Variants in RYR2 observed in about 807,000 individuals in gnomAD.
The protein encoded by RYR2 is ryanodine receptor 2.
A neutral mutation model predicts 601.1 loss-of-function variants in RYR2; 227 were observed. The observed-to-expected ratio is 0.38, with a 90% CI of 0.34 to 0.42. The LOEUF (loss-of-function observed/expected upper bound fraction) is 0.42. Ranked by LOEUF, RYR2 falls within the 10% of genes least tolerant of loss-of-function variation. RYR2 has a pLI of 1.00. For synonymous variants in RYR2, 2,223 were observed against 2,175.1 expected (o/e 1.02, Z -0.61); for missense variants, 4,646 against 6,156.5 (o/e 0.75, Z 8.21).
At chr1:237,173,202 C>G (rs1228641782) in intron 1 of RYR2, among the ~76,000 whole-genome samples, 1 of 151,524 alleles carries the variant, frequency 6.6e-6, no homozygotes, top group Non-Finnish European at 1.5e-5. Context: ...CTTATTGCAT[C>G]CAGACAGGGT....
intron 36 of RYR2, among the ~76,000 whole-genome samples, chr1:237,611,324 T>C (rs919807777): frequency 1.3e-5 from 2 of 152,130 alleles, no homozygotes; most frequent in Non-Finnish European, 2.9e-5. Context: ...CAGAGTACTG[T>C]AATAGAGAAT....
chr1:237,784,571 T>C lies in RYR2; in HGVS notation c.12859T>C (p.Tyr4287His), dbSNP rs190009333. The change falls in exon 90 of 105, where the codon TAC becomes CAC. Residue 4287 changes from tyrosine (Y) to histidine (H), a missense_variant. Around this residue, in one of 17 missense-constraint regions of RYR2, gnomAD observed 364 missense variants for 442.9 expected, o/e 0.82. Transcript: ENST00000366574. This position sits in a 1 kb window ranked among gnomAD's most constrained non-coding sequence, Gnocchi z 7.1. ...CATGGTCACGGCCTTCTTTTCATCCTACTGGAGTATTTTCATGACCCTCTT... is the reference window on the plus strand; with the variant it reads ...CATGGTCACGGCCTTCTTTTCATCCCACTGGAGTATTTTCATGACCCTCTT... ...KDMVTAFFSS[Y>H]WSIFMTLLHF... 45 of 1,613,992 alleles carry C rather than the reference T, an allele frequency of 2.8e-5. No homozygotes were observed. Among genetic ancestry groups the C allele is most frequent in the East Asian group, 2.7e-4 (12 of 44,870 alleles).
intron 8 of RYR2, among the ~76,000 whole-genome samples, chr1:237,378,280 A>G (rs1466295816): frequency 1.3e-5 from 2 of 152,206 alleles, no homozygotes; most frequent in Non-Finnish European, 2.9e-5. Flanking sequence ...TCGGGTGGGG[A>G]CACAGCCGAA....
intron 25 of RYR2, among the ~76,000 whole-genome samples, chr1:237,536,030 C>T (rs1668576828): frequency 6.6e-6 from 1 of 151,964 alleles, no homozygotes; most frequent in Non-Finnish European, 1.5e-5. Flanking sequence ...GTCACTACTA[C>T]TTGATGTATT....
At chr1:237,606,394 T>C (rs1262892633) in intron 35 of RYR2, among the ~76,000 whole-genome samples, 1 of 152,176 alleles carries the variant, frequency 6.6e-6, no homozygotes, top group African/African-American at 2.4e-5. Context: ...GATCCCTTCC[T>C]TACACCTTAT....
At chr1:237,063,025 T>G (rs1558166961) in intron 1 of RYR2, among the ~76,000 whole-genome samples, 1 of 152,282 alleles carries the variant, frequency 6.6e-6, no homozygotes, top group East Asian at 1.9e-4. Context: ...TGTTGAAATC[T>G]TAACCCCCAA....
chr1:237,624,024 CA>C (rs1207725468), intron 39 of RYR2, among the ~76,000 whole-genome samples, 154 bp downstream of exon 39: 33 of 152,096 alleles, frequency 2.2e-4, no homozygotes, highest in African/African-American at 7.7e-4. Context: ...GGCAAAATGG[CA>C]AAATAACTGT....
chr1:237,675,415 T>A (rs1428457142), intron 60 of RYR2, among the ~76,000 whole-genome samples: 1 of 152,160 alleles, frequency 6.6e-6, no homozygotes, highest in Non-Finnish European at 1.5e-5. Flanking sequence ...GAAAGCAGCC[T>A]CCGGTCACTT....
chr1:237,244,641 C>A (rs1285170180), intron 1 of RYR2, among the ~76,000 whole-genome samples: 6 of 152,156 alleles, frequency 3.9e-5, no homozygotes, highest in African/African-American at 1.2e-4. Context: ...TCCCAGCCGG[C>A]CTTTTCCTCT....
At chr1:237,235,878 A>T (rs1435188194) in intron 1 of RYR2, among the ~76,000 whole-genome samples, 1 of 152,148 alleles carries the variant, frequency 6.6e-6, no homozygotes, top group Admixed American at 6.5e-5. Context: ...TGTCGTGCAT[A>T]TGTATGTTGG....
chr1:237,591,868 C>G lies in RYR2; in HGVS notation c.4275+15C>G, dbSNP rs1675239759. The G allele has an allele frequency of 1.9e-6, 3 of 1,590,446 alleles. No homozygotes were observed. In the African/African-American group the frequency reaches 4.0e-5, roughly 21 times the overall value. ...AAACGTCCACGGTATGAGGTTGCAG[C>G]TTTTGTCGTTTATTTCTATCTGTCA... On this transcript the variant is annotated intron_variant, in intron 32 of 104. Coordinates refer to ENST00000366574, the MANE Select transcript of RYR2 (RefSeq NM_001035.3).
chr1:237,273,301 T>C (rs1400536404), intron 2 of RYR2, among the ~76,000 whole-genome samples: 2 of 152,154 alleles, frequency 1.3e-5, no homozygotes, highest in African/African-American at 4.8e-5. Flanking sequence ...GCTGATGATC[T>C]CACAGGACGC....
At chr1:237,565,149 CTTTCTTTCTCTTTCTT>C (rs1671861228) in intron 27 of RYR2, among the ~76,000 whole-genome samples, 1 of 114,938 alleles carries the variant, frequency 8.7e-6, no homozygotes, top group Non-Finnish European at 1.9e-5. Context: ...CTTTTTCTTT[CTTTCTTTCTCTTTCTT>C]TCTTTCTTTC....
chr1:237,163,853 A>G (rs111658123), intron 1 of RYR2, among the ~76,000 whole-genome samples: 1 of 152,172 alleles, frequency 6.6e-6, no homozygotes, highest in Admixed American at 6.5e-5. Context: ...GAGCTAAGGG[A>G]CCGCCAAGGC....
intron 70 of RYR2, among the ~76,000 whole-genome samples, chr1:237,710,505 A>C (rs1688739199): frequency 6.6e-6 from 1 of 152,148 alleles, no homozygotes; most frequent in Non-Finnish European, 1.5e-5. Flanking sequence ...TTTATATAAA[A>C]ACATACATTA....
At chr1:237,503,992 GC>G (rs1387590308) in intron 22 of RYR2, among the ~76,000 whole-genome samples, 1 of 152,182 alleles carries the variant, frequency 6.6e-6, no homozygotes, top group African/African-American at 2.4e-5. Context: ...ATAGGCATTA[GC>G]CACTGTGCCT....
At chr1:237,569,094 CG>C in intron 28 of RYR2, 50 bp from the exon 29 acceptor site, 2 of 1,548,850 alleles carry the variant, frequency 1.3e-6, no homozygotes, top group Non-Finnish European at 1.8e-6. Context: ...TGGGTGGGTG[CG>C]ATTTTCCTGG....
chr1:237,062,314 C>A (rs1377156696), intron 1 of RYR2, among the ~76,000 whole-genome samples: 1 of 152,144 alleles, frequency 6.6e-6, no homozygotes, highest in Admixed American at 6.5e-5. Flanking sequence ...AATCTGTAGA[C>A]CCGTTTGAGA....
intron 2 of RYR2, among the ~76,000 whole-genome samples, chr1:237,288,075 G>A (rs1030803118): frequency 4.6e-5 from 7 of 152,292 alleles, no homozygotes; most frequent in Middle Eastern, 3.4e-3. Context: ...AGTGATTGTT[G>A]TCTGTCTGCT....
Sources: allele counts gnomAD v4.1 joint callset (sites outside exome capture counted in the v4.1 genomes callset), GRCh38; gene constraint gnomAD v4.1.1; regional missense constraint gnomAD v4.1.1; non-coding constraint Gnocchi (gnomAD v3.1); transcripts MANE v1.5; gene names NCBI Gene and HGNC (gene_info 2026-07-23, HGNC 2026-07-21).